The following GUCY2F variants were observed in gnomAD, a reference collection of about 807,000 sequenced individuals.
GUCY2F encodes guanylate cyclase 2F, retinal.
In GUCY2F, 61 loss-of-function variants were observed where a neutral mutation model predicts 73.1. That is an observed-to-expected ratio of 0.83 (90% confidence interval 0.68 to 1.03). The LOEUF (loss-of-function observed/expected upper bound fraction) is 1.03, where lower values mean the gene tolerates loss of function less well. Among genes scored for constraint, GUCY2F ranks in the 50% least tolerant of loss-of-function variants. The pLI is 0.00. For synonymous variants in GUCY2F, 331 were observed against 307.8 expected (o/e 1.08, Z -0.79); for missense variants, 912 against 854.3 (o/e 1.07, Z -0.84).
intron 3 of GUCY2F, among the ~76,000 whole-genome samples, chrX:109,462,576 C>CTT (rs57809743): frequency 2.4e-4 from 27 of 110,971 alleles, no homozygotes; most frequent in African/African-American, 8.2e-4. Context: ...CTAATGGCGT[C>CTT]TTTTTTTTGC....
chrX:109,474,975 A>G (rs899107287), intron 2 of GUCY2F, among the ~76,000 whole-genome samples: 2 of 112,317 alleles, frequency 1.8e-5, no homozygotes, highest in African/African-American at 6.5e-5. Context: ...AGCAGGCACT[A>G]GCATTCACAG....
At chrX:109,438,712 G>A (rs964809961) in intron 7 of GUCY2F, among the ~76,000 whole-genome samples, 1 of 112,725 alleles carries the variant, frequency 8.9e-6, no homozygotes, top group East Asian at 2.8e-4. Flanking sequence ...TCACAGGTTG[G>A]AGCCAGTATG....
intron 7 of GUCY2F, among the ~76,000 whole-genome samples, chrX:109,440,885 T>C (rs1931851656): frequency 8.9e-6 from 1 of 111,773 alleles, no homozygotes; most frequent in Admixed American, 9.5e-5. Context: ...TGAAGAAAAA[T>C]AAATAACTGA....
chrX:109,393,598 G>A (rs1930628115), intron 12 of GUCY2F, among the ~76,000 whole-genome samples: 1 of 111,595 alleles, frequency 9.0e-6, no homozygotes, highest in Admixed American at 9.5e-5. Flanking sequence ...TCTTACCGTG[G>A]AGTCCAAGAA....
intron 11 of GUCY2F, among the ~76,000 whole-genome samples, chrX:109,397,550 G>GA (rs1395003738): frequency 8.9e-6 from 1 of 112,040 alleles, no homozygotes; most frequent in African/African-American, 3.2e-5. Flanking sequence ...ATAACTTACA[G>GA]AAAAATAGTA....
At chrX:109,429,794 A>G (rs1931570720) in intron 8 of GUCY2F, among the ~76,000 whole-genome samples, 1 of 112,096 alleles carries the variant, frequency 8.9e-6, no homozygotes, top group African/African-American at 3.2e-5. Context: ...AAGCCATCCA[A>G]GGACTCCTTG....
At chrX:109,393,487 T>C (rs971402518) in intron 12 of GUCY2F, among the ~76,000 whole-genome samples, 3 of 111,159 alleles carry the variant, frequency 2.7e-5, no homozygotes, top group Non-Finnish European at 5.7e-5. Context: ...TAAATCATTC[T>C]TATCCTCAAA....
At chrX:109,467,625 C>A (rs1230870266) in intron 2 of GUCY2F, among the ~76,000 whole-genome samples, 1 of 112,213 alleles carries the variant, frequency 8.9e-6, no homozygotes, top group African/African-American at 3.2e-5. Context: ...CTCATTCCAC[C>A]AGCTGCTGGG....
At chrX:109,456,233 TG>T (rs1250044512) in intron 3 of GUCY2F, among the ~76,000 whole-genome samples, 2 of 112,139 alleles carry the variant, frequency 1.8e-5, no homozygotes, top group Non-Finnish European at 3.8e-5. Context: ...TGTATTTGAT[TG>T]TCTTTGTAAT....
chrX:109,425,788 C>A (rs1419553412), intron 8 of GUCY2F, among the ~76,000 whole-genome samples: 1 of 109,696 alleles, frequency 9.1e-6, no homozygotes, highest in African/African-American at 3.3e-5. Context: ...CTGTTCCCCC[C>A]AAAAAACTAT....
chrX:109,396,266 T>A (rs1020311203), intron 11 of GUCY2F, among the ~76,000 whole-genome samples: 1 of 110,491 alleles, frequency 9.1e-6, no homozygotes, highest in Non-Finnish European at 1.9e-5. Flanking sequence ...AGACTCCCTA[T>A]TCAGACCCAA....
chrX:109,460,478 A>T (rs1769040225), intron 3 of GUCY2F, among the ~76,000 whole-genome samples: 1 of 112,048 alleles, frequency 8.9e-6, no homozygotes, highest in African/African-American at 3.2e-5. Flanking sequence ...CATGTCTTCA[A>T]AGGACTGAGG....
chrX:109,441,441 C>A lies in GUCY2F; in HGVS notation c.1611G>T (p.Glu537Asp), dbSNP rs1014962297. The change falls in exon 7 of 20, where the codon GAG (glutamate) becomes GAT (aspartate). Residue 537 changes from glutamate to aspartate, a missense_variant. Coordinates refer to ENST00000218006, the MANE Select transcript of GUCY2F (RefSeq NM_001522.3). Reference sequence around the variant, plus strand: ...GTCTTGGGGACCTCCCACTTTGGACCTCTGAGGTAATCTGGAAGCTTACAC... The same window carrying A: ...GTCTTGGGGACCTCCCACTTTGGACATCTGAGGTAATCTGGAAGCTTACAC... Reference protein sequence around the residue: ...RASVSFQITSEVQSGRSPRLS... With the variant: ...RASVSFQITSDVQSGRSPRLS... 1 of 1,176,281 alleles carries A rather than the reference C, an allele frequency of 8.5e-7. No homozygotes were observed. Among genetic ancestry groups the A allele is most frequent in the African/African-American group, 1.8e-5 (1 of 56,323 alleles).
Position 109,393,070 on chromosome X carries a change from G to T in GUCY2F, c.2425-15C>A. On this transcript the variant is annotated splice_polypyrimidine_tract_variant and intron_variant, in intron 12 of 19. Coordinates refer to ENST00000218006, the MANE Select transcript of GUCY2F (RefSeq NM_001522.3). Reference sequence around the variant, plus strand: ...AAAGTTTTAAACTGGAAGTAAAATAGAAAAGGGAACCAGAAAATGCTTACT... The same window carrying T: ...AAAGTTTTAAACTGGAAGTAAAATATAAAAGGGAACCAGAAAATGCTTACT... The T allele has an allele frequency of 1.0e-6, 1 of 956,609 alleles. No homozygotes were observed. The highest frequency in any genetic ancestry group is 1.5e-6 in the Non-Finnish European group (1 of 670,465). 78.8% of individuals were successfully genotyped at this position (956,609 alleles called of 1,213,427 possible).
intron 2 of GUCY2F, among the ~76,000 whole-genome samples, chrX:109,469,862 G>A (rs2147283345): frequency 9.0e-6 from 1 of 111,569 alleles, no homozygotes; most frequent in East Asian, 2.8e-4. Context: ...GTGACTCAGT[G>A]CAGGAGGCTC....
chrX:109,434,242 C>T (rs775120193), intron 7 of GUCY2F, among the ~76,000 whole-genome samples: 1 of 110,498 alleles, frequency 9.0e-6, no homozygotes, highest in South Asian at 4.0e-4. Flanking sequence ...CCCCATCTCA[C>T]CCAGACTGTA....
In GUCY2F at chrX:109,425,334, GT is replaced by G. The variant is rs1931458308; in HGVS notation, c.1791+4972del. ...CAATCAACGAGTGGATAAAGAAATT[GT>G]TGTGTGTGTGTGTGTGTGTGTGTGT... is the stretch of plus-strand genomic sequence containing the variant. On this transcript the variant is annotated intron_variant, in intron 8 of 19. Coordinates refer to ENST00000218006, the MANE Select transcript of GUCY2F (RefSeq NM_001522.3). Among the ~76,000 whole-genome samples the G allele has an allele frequency of 4.0e-5, 4 of 99,685 alleles. No individual in the cohort carries two copies. In the South Asian group the frequency reaches 1.8e-3, roughly 44 times the overall value. The allele number at this position is 99,685 out of a possible 115,157, so 86.6% of individuals were successfully genotyped here.
chrX:109,427,104 T>C (rs987964455), intron 8 of GUCY2F, among the ~76,000 whole-genome samples: 56 of 112,042 alleles, frequency 5.0e-4, no homozygotes, highest in African/African-American at 1.6e-3. Flanking sequence ...ATGGTCATGA[T>C]CTTGAGGTAC....
At chrX:109,444,760 G>T (rs780725834) in intron 6 of GUCY2F, among the ~76,000 whole-genome samples, 12 of 111,827 alleles carry the variant, frequency 1.1e-4, no homozygotes, top group African/African-American at 3.6e-4. Flanking sequence ...TCCACAAAAC[G>T]CAACTACTAC....
Sources: gnomAD v4.1 joint callset for allele counts (sites outside exome capture counted in the v4.1 genomes callset) on GRCh38, gnomAD v4.1.1 for gene constraint, MANE v1.5 for transcripts, NCBI Gene and HGNC (gene_info 2026-07-23, HGNC 2026-07-21) for gene names.